VAT1L: variants seen among roughly 807,000 people sequenced by gnomAD.
VAT1L encodes the protein putative NADPH-dependent quinone oxidoreductase VAT1L.
VAT1L carries 34 observed loss-of-function variants against 44.1 expected under a neutral mutation model. That is an observed-to-expected ratio of 0.77 (90% CI 0.59 to 1.03). The LOEUF is 1.03. VAT1L is among the 50% of genes least tolerant of loss of function. The pLI is 0.00. For missense variants in VAT1L, 615 were observed against 538.8 expected, an observed-to-expected ratio of 1.14 and a Z score of -1.40; for synonymous variants, 253 against 202.2, an observed-to-expected ratio of 1.25 and a Z score of -2.13.
At chr16:77,864,436 C>G (rs1323464834) in intron 4 of VAT1L, among the ~76,000 whole-genome samples, 1 of 150,318 alleles carries the variant, frequency 6.7e-6, no homozygotes, top group Non-Finnish European at 1.5e-5. Context: ...CTACCTGTGC[C>G]CCCCCACAAA....
intron 3 of VAT1L, among the ~76,000 whole-genome samples, chr16:77,838,548 G>T (rs969341970): frequency 6.6e-6 from 1 of 152,068 alleles, no homozygotes; most frequent in Non-Finnish European, 1.5e-5. Context: ...CTCCACGACA[G>T]GATAGAGAGA....
intron 3 of VAT1L, among the ~76,000 whole-genome samples, chr16:77,836,948 C>T (rs2016645679): frequency 6.6e-6 from 1 of 152,156 alleles, no homozygotes; most frequent in Non-Finnish European, 1.5e-5. Flanking sequence ...CATACATTGT[C>T]TATAAGATAC....
In VAT1L at chr16:77,879,638, G is replaced by C. The variant is rs186724145; in HGVS notation, c.882+414G>C. Among the ~76,000 whole-genome samples, 19 of 152,176 alleles carry C rather than the reference G, an allele frequency of 1.2e-4. No homozygotes were observed. Among genetic ancestry groups the C allele is most frequent in the South Asian group, 1.2e-3 (6 of 4,810 alleles). On this transcript the variant is annotated intron_variant, in intron 6 of 8. Transcript: ENST00000302536. The surrounding 1 kb of genome is among the most constrained non-coding windows in gnomAD (Gnocchi z 4.1). ...CTTAATCTTGTCTTTCAATTTCCTC[G>C]TTCATTTCCCATAAAACCTGCACTC... is the stretch of plus-strand genomic sequence containing the variant.
intron 7 of VAT1L, among the ~76,000 whole-genome samples, chr16:77,968,923 A>G (rs951372431): frequency 6.6e-6 from 1 of 152,084 alleles, no homozygotes; most frequent in East Asian, 2.0e-4. Context: ...GGTTCAAGCA[A>G]TTCTCCTGCC....
chr16:77,815,082 T>G (rs2016328389), intron 1 of VAT1L, among the ~76,000 whole-genome samples: 2 of 152,176 alleles, frequency 1.3e-5, no homozygotes, highest in African/African-American at 4.8e-5. Context: ...GTTATAGAGA[T>G]AGAAGTGGTA....
chr16:77,947,180 GAC>G (rs372314212), intron 7 of VAT1L, among the ~76,000 whole-genome samples: 2 of 151,086 alleles, frequency 1.3e-5, no homozygotes, highest in African/African-American at 5.0e-5. Flanking sequence ...AAGTCACACT[GAC>G]ACTGACGGAA....
intron 3 of VAT1L, among the ~76,000 whole-genome samples, chr16:77,849,457 C>T (rs1449632976): frequency 1.3e-5 from 2 of 152,182 alleles, no homozygotes; most frequent in Non-Finnish European, 2.9e-5. Flanking sequence ...TAAGAGGTCA[C>T]TGATGACAGC....
rs781775317 is a variant in VAT1L at position 77,884,671 on chromosome 16, T to G, written c.946T>G (p.Phe316Val). Residue 316 changes from phenylalanine (F) to valine (V), a missense_variant, in exon 7 of 9, where the codon TTT (phenylalanine) becomes GTT (valine). Coordinates refer to ENST00000302536, the MANE Select transcript of VAT1L (RefSeq NM_020927.3). The surrounding 1 kb of genome is among the most constrained non-coding windows in gnomAD (Gnocchi z 4.5). ...LYEENKVIAG[F>V]SLLNLLFKQG... ...TGAGGAGAACAAAGTCATCGCGGGG[T>G]TTTCCCTTTTAAATCTGCTCTTCAA... is the stretch of plus-strand genomic sequence containing the variant. The G allele has an allele frequency of 6.2e-7, 1 of 1,612,354 alleles. No individual in the cohort carries two copies. The highest frequency in any genetic ancestry group is 1.3e-5 in the African/African-American group (1 of 74,608).
At chr16:77,823,181 C>A (rs989069001) in intron 2 of VAT1L, among the ~76,000 whole-genome samples, 12 of 151,888 alleles carry the variant, frequency 7.9e-5, no homozygotes, top group Non-Finnish European at 1.6e-4. Context: ...GAGCGCTCAC[C>A]TCCAGGCTAC....
chr16:77,880,856 T>C (rs1396044345), intron 6 of VAT1L, among the ~76,000 whole-genome samples: 3 of 152,116 alleles, frequency 2.0e-5, no homozygotes, highest in Admixed American at 6.5e-5. Flanking sequence ...GTATTTGTTT[T>C]TATGTTTCTG....
chr16:77,858,730 C>A (rs2016885649), intron 3 of VAT1L, among the ~76,000 whole-genome samples: 1 of 152,104 alleles, frequency 6.6e-6, no homozygotes, highest in African/African-American at 2.4e-5. Flanking sequence ...ACGCTGGGCA[C>A]AGTGGCTCAT....
At chr16:77,915,372 C>T (rs2017541754) in intron 7 of VAT1L, among the ~76,000 whole-genome samples, 1 of 152,216 alleles carries the variant, frequency 6.6e-6, no homozygotes, top group Admixed American at 6.5e-5. Context: ...AGTTATTAAA[C>T]ATTTATCTGC....
intron 1 of VAT1L, among the ~76,000 whole-genome samples, chr16:77,797,909 T>C (rs925332044): frequency 3.9e-5 from 6 of 152,192 alleles, no homozygotes; most frequent in Non-Finnish European, 8.8e-5. Flanking sequence ...AGAAAATTGG[T>C]TGGAGCCATG....
At chr16:77,871,254 A>T (rs571282086) in intron 4 of VAT1L, among the ~76,000 whole-genome samples, 17 of 151,612 alleles carry the variant, frequency 1.1e-4, no homozygotes, top group African/African-American at 4.1e-4. Context: ...CCCACCACTG[A>T]CCTTCAAAAG....
intron 7 of VAT1L, among the ~76,000 whole-genome samples, chr16:77,922,238 C>T (rs553307796): frequency 6.6e-6 from 1 of 152,014 alleles, no homozygotes; most frequent in Non-Finnish European, 1.5e-5. Context: ...TCTATGTCTG[C>T]GTGTACAAAT....
At chr16:77,835,390 G>A (rs1460392897) in intron 3 of VAT1L, among the ~76,000 whole-genome samples, 2 of 152,112 alleles carry the variant, frequency 1.3e-5, no homozygotes, top group African/African-American at 4.8e-5. Context: ...CATTAAATGA[G>A]GTCCCCTTTT....
chr16:77,808,800 T>C (rs2016210355), intron 1 of VAT1L, among the ~76,000 whole-genome samples: 1 of 152,174 alleles, frequency 6.6e-6, no homozygotes, highest in South Asian at 2.1e-4. Context: ...TTTTTCCATG[T>C]TGGTCAGGCT....
chr16:77,907,562 C>T (rs1019225310), intron 7 of VAT1L, among the ~76,000 whole-genome samples: 6 of 152,170 alleles, frequency 3.9e-5, no homozygotes, highest in Non-Finnish European at 8.8e-5. Context: ...CACCCTATGC[C>T]CAGCTCAAGT....
At chr16:77,934,892 G>C (rs977614734) in intron 7 of VAT1L, among the ~76,000 whole-genome samples, 1 of 152,158 alleles carries the variant, frequency 6.6e-6, no homozygotes, top group Non-Finnish European at 1.5e-5. Flanking sequence ...GCCCGGTCTG[G>C]TGGATGAATT....
Sources: allele counts gnomAD v4.1 joint callset (sites outside exome capture counted in the v4.1 genomes callset), GRCh38; gene constraint gnomAD v4.1.1; non-coding constraint Gnocchi (gnomAD v3.1); transcripts MANE v1.5; gene names NCBI Gene and HGNC (gene_info 2026-07-23, HGNC 2026-07-21).